The following CDC42SE2 variants were observed in gnomAD, a reference collection of about 807,000 sequenced individuals.
CDC42SE2 encodes CDC42 small effector 2, also known as CDC42 small effector protein 2.
A neutral mutation model predicts 11.5 loss-of-function variants in CDC42SE2; 3 were observed. The ratio of observed to expected loss-of-function variants is 0.26; its 90% CI spans 0.12 to 0.67. The LOEUF (loss-of-function observed/expected upper bound fraction) is 0.67. Among genes scored for constraint, CDC42SE2 ranks in the 30% least tolerant of loss-of-function variants. The probability of loss-of-function intolerance (pLI) is 0.80; values close to 1 mark genes in which losing one functional copy is unlikely to be tolerated. For synonymous variants in CDC42SE2, 33 were observed against 34.8 expected, an observed-to-expected ratio of 0.95 and a Z score of 0.18; for missense variants, 82 against 106.8, an observed-to-expected ratio of 0.77 and a Z score of 1.02.
chr5:131,296,594 A>G (rs2149713068), intron 1 of CDC42SE2, among the ~76,000 whole-genome samples: 1 of 152,246 alleles, frequency 6.6e-6, no homozygotes, highest in East Asian at 1.9e-4. Flanking sequence ...CTGTTTTCAT[A>G]CTGTTGGCTT....
Position 131,394,376 on chromosome 5 carries a change from T to G in CDC42SE2, c.*3285T>G, listed in dbSNP as rs1750789238. On this transcript the variant is annotated 3_prime_UTR_variant, in exon 5 of 5. Transcript: ENST00000505065. ...ATGTTGACTTTAGTTAACATTGGGT[T>G]TAGCATTTCCAGTGCAGCATTATCA... The G allele has an allele frequency of 6.6e-6, 1 of 152,350 alleles. No individual in the cohort carries two copies. The highest frequency in any genetic ancestry group is 2.1e-4 in the South Asian group (1 of 4,832). 9.4% of individuals were successfully genotyped at this position (152,350 alleles called of 1,614,324 possible). A position where few individuals can be genotyped will look rare whatever the true frequency, so the allele number is the denominator to read the frequency against.
the CDC42SE2 span, among the ~76,000 whole-genome samples, chr5:131,221,788 T>C: frequency 6.6e-6 from 1 of 152,204 alleles, no homozygotes; most frequent in Non-Finnish European, 1.5e-5. Flanking sequence ...AATTGAATTC[T>C]TCTTTCTCAT....
At chr5:131,356,571 G>C (rs1257660512) in intron 2 of CDC42SE2, among the ~76,000 whole-genome samples, 1 of 152,118 alleles carries the variant, frequency 6.6e-6, no homozygotes, top group Non-Finnish European at 1.5e-5. Context: ...TTCTTGGTTT[G>C]AAAATATATT....
At chr5:131,340,484 A>C (rs1273559644) in intron 2 of CDC42SE2, among the ~76,000 whole-genome samples, 1 of 152,146 alleles carries the variant, frequency 6.6e-6, no homozygotes. Flanking sequence ...AGAGGGAACT[A>C]CTGTATAGAT....
At chr5:131,234,891 A>ATTTTTTTT in the CDC42SE2 span, among the ~76,000 whole-genome samples, 1 of 135,060 alleles carries the variant, frequency 7.4e-6, no homozygotes, top group Non-Finnish European at 1.6e-5. Context: ...GTGAGGGCAA[A>ATTTTTTTT]TTTTTTTTTT....
intron 2 of CDC42SE2, among the ~76,000 whole-genome samples, chr5:131,339,535 G>A (rs527517116): frequency 4.6e-5 from 7 of 152,112 alleles, no homozygotes; most frequent in Non-Finnish European, 7.4e-5. Flanking sequence ...GGCCAAGCGC[G>A]GTTGCTCATA....
the CDC42SE2 span, among the ~76,000 whole-genome samples, chr5:131,232,023 C>G: frequency 6.6e-6 from 1 of 152,148 alleles, no homozygotes; most frequent in African/African-American, 2.4e-5. Flanking sequence ...CTCCTGACTT[C>G]AAGTGATCCA....
chr5:131,323,902 T>G (rs1343740743), intron 2 of CDC42SE2, among the ~76,000 whole-genome samples: 2 of 152,186 alleles, frequency 1.3e-5, no homozygotes, highest in African/African-American at 4.8e-5. Flanking sequence ...GTTAAGAATT[T>G]TATCCAGAGA....
chr5:131,330,633 A>T (rs1487158043), intron 2 of CDC42SE2, among the ~76,000 whole-genome samples: 1 of 152,116 alleles, frequency 6.6e-6, no homozygotes, highest in African/African-American at 2.4e-5. Flanking sequence ...ACAGGTGGAA[A>T]GGGGTACTGT....
At chr5:131,292,767 C>T (rs1360167728) in intron 1 of CDC42SE2, among the ~76,000 whole-genome samples, 1 of 151,046 alleles carries the variant, frequency 6.6e-6, no homozygotes, top group African/African-American at 2.4e-5. Context: ...TAAAAATCAG[C>T]CTGGCATGGT....
chr5:131,304,867 T>C (rs1757750070), intron 1 of CDC42SE2, among the ~76,000 whole-genome samples: 1 of 152,228 alleles, frequency 6.6e-6, no homozygotes, highest in Non-Finnish European at 1.5e-5. Flanking sequence ...TGCTACCAGT[T>C]ATTAATATTT....
chr5:131,385,555 C>T lies in CDC42SE2; in HGVS notation c.67C>T (p.Arg23Trp), dbSNP rs1388842469. ...AEQPQPKRRR[R>W]IDRSMIGEPT... ...CCCCATATTTTAGAAAAGGCGACGG[C>T]GGATTGACAGAAGTATGATTGGAGA... The change falls in exon 4 of 5, where the codon CGG (arginine) becomes TGG (tryptophan). Residue 23 changes from arginine (R) to tryptophan (W), a missense_variant. By Grantham distance (101) the Arg-to-Trp change is moderately radical (BLOSUM62 -3). Transcript: ENST00000505065. 11 of 1,612,716 alleles carry T rather than the reference C, an allele frequency of 6.8e-6. No homozygotes were observed. The highest frequency in any genetic ancestry group is 8.5e-6 in the Non-Finnish European group (10 of 1,179,072).
chr5:131,232,074 G>A, the CDC42SE2 span, among the ~76,000 whole-genome samples: 1 of 151,240 alleles, frequency 6.6e-6, no homozygotes, highest in African/African-American at 2.4e-5. Context: ...GCAGGTGTGA[G>A]CCACCACGCC....
the CDC42SE2 span, among the ~76,000 whole-genome samples, chr5:131,221,564 T>A: frequency 6.6e-6 from 1 of 151,928 alleles, no homozygotes; most frequent in South Asian, 2.1e-4. Context: ...GAATTCACAA[T>A]GTAATATTCT....
At chr5:131,237,076 C>G in the CDC42SE2 span, among the ~76,000 whole-genome samples, 1 of 152,150 alleles carries the variant, frequency 6.6e-6, no homozygotes, top group Non-Finnish European at 1.5e-5. Flanking sequence ...TGGGAGACAG[C>G]AGGGATCACC....
chr5:131,298,370 C>A (rs1757615374), intron 1 of CDC42SE2, among the ~76,000 whole-genome samples: 1 of 151,952 alleles, frequency 6.6e-6, no homozygotes, highest in Non-Finnish European at 1.5e-5. Context: ...GATCCACCCG[C>A]CTTGGCCTCC....
intron 1 of CDC42SE2, among the ~76,000 whole-genome samples, chr5:131,301,443 T>C (rs1474743752): frequency 1.3e-5 from 2 of 152,062 alleles, no homozygotes; most frequent in Admixed American, 1.3e-4. Context: ...CCCATAAATA[T>C]GTAGAATTAT....
intron 2 of CDC42SE2, among the ~76,000 whole-genome samples, chr5:131,326,682 A>G (rs1375288247): frequency 6.6e-6 from 1 of 152,008 alleles, no homozygotes; most frequent in East Asian, 1.9e-4. Context: ...GTTCATGATG[A>G]TTATGTGGTT....
intron 1 of CDC42SE2, among the ~76,000 whole-genome samples, chr5:131,251,284 A>C (rs1465065982): frequency 6.6e-6 from 1 of 152,206 alleles, no homozygotes; most frequent in Non-Finnish European, 1.5e-5. Flanking sequence ...AGGGCATAAT[A>C]ATCCTCTTTG....
Sources: allele counts gnomAD v4.1 joint callset (sites outside exome capture counted in the v4.1 genomes callset), GRCh38; gene constraint gnomAD v4.1.1; transcripts MANE v1.5; gene names NCBI Gene and HGNC (gene_info 2026-07-23, HGNC 2026-07-21).